Variants in TMEM117 observed in about 807,000 individuals in gnomAD.
TMEM117 encodes the protein transmembrane protein 117.
Under a neutral mutation model 52.4 loss-of-function variants are expected in TMEM117, and 27 were observed. The observed-to-expected ratio is 0.51, with a 90% confidence interval of 0.38 to 0.71. The LOEUF (loss-of-function observed/expected upper bound fraction) is 0.71, where lower values mean the gene tolerates loss of function less well. Among genes scored for constraint, TMEM117 ranks in the 30% least tolerant of loss-of-function variants. TMEM117 has a pLI of 0.00. For missense variants in TMEM117, 556 were observed against 630.5 expected, an observed-to-expected ratio of 0.88 and a Z score of 1.26; for synonymous variants, 215 against 206.3, an observed-to-expected ratio of 1.04 and a Z score of -0.36.
intron 4 of TMEM117, among the ~76,000 whole-genome samples, chr12:44,179,934 G>C (rs1949168164): frequency 6.6e-6 from 1 of 152,158 alleles, no homozygotes; most frequent in Admixed American, 6.5e-5. Flanking sequence ...TGATTCAGTG[G>C]TGAGGCTCTT....
intron 5 of TMEM117, among the ~76,000 whole-genome samples, chr12:44,249,354 C>CTA (rs980973196): frequency 3.3e-5 from 5 of 151,936 alleles, no homozygotes; most frequent in African/African-American, 1.2e-4. Flanking sequence ...CAAATATGGT[C>CTA]AAGATTTTGA....
intron 3 of TMEM117, among the ~76,000 whole-genome samples, chr12:44,017,264 A>G (rs1399708426): frequency 3.0e-5 from 3 of 101,406 alleles, no homozygotes; most frequent in African/African-American, 1.6e-4. Context: ...TTAGGTGATA[A>G]ATAATTGAAA....
intron 3 of TMEM117, among the ~76,000 whole-genome samples, chr12:43,945,542 C>T (rs1486091456): frequency 6.6e-6 from 1 of 152,098 alleles, no homozygotes; most frequent in Non-Finnish European, 1.5e-5. Flanking sequence ...CGTCTGGTCT[C>T]GAATTCCTGA....
chr12:44,218,221 C>CAAAA (rs137994991), intron 5 of TMEM117, among the ~76,000 whole-genome samples: 1 of 139,340 alleles, frequency 7.2e-6, no homozygotes, highest in African/African-American at 2.7e-5. Flanking sequence ...AAGGCTCCGT[C>CAAAA]AAAAAAAACA....
At chr12:44,027,032 GTAGT>G (rs1365655375) in intron 3 of TMEM117, among the ~76,000 whole-genome samples, 2 of 151,166 alleles carry the variant, frequency 1.3e-5, no homozygotes, top group Non-Finnish European at 2.9e-5. Context: ...GTTGCATTTA[GTAGT>G]TAGCTCATTT....
At chr12:43,983,268 A>C (rs1945790082) in intron 3 of TMEM117, among the ~76,000 whole-genome samples, 1 of 152,230 alleles carries the variant, frequency 6.6e-6, no homozygotes, top group Admixed American at 6.5e-5. Flanking sequence ...AGTTCCCAGC[A>C]CCAAGAGGGC....
At chr12:44,384,118 T>A (rs192394885) in intron 7 of TMEM117, among the ~76,000 whole-genome samples, 2 of 152,168 alleles carry the variant, frequency 1.3e-5, no homozygotes, top group Admixed American at 1.3e-4. Flanking sequence ...AAGGAATTTT[T>A]TAAGGAGGAG....
chr12:43,993,512 A>T (rs1187576443), intron 3 of TMEM117, among the ~76,000 whole-genome samples: 1 of 151,740 alleles, frequency 6.6e-6, no homozygotes, highest in Non-Finnish European at 1.5e-5. Flanking sequence ...GGTGCACTAG[A>T]CTCTTGTGTT....
At chr12:44,014,445 C>T (rs576299667) in intron 3 of TMEM117, among the ~76,000 whole-genome samples, 92 of 152,200 alleles carry the variant, frequency 6.0e-4, no homozygotes, top group African/African-American at 2.1e-3. Context: ...GATATGAGCC[C>T]GAGGTAGAAA....
chr12:44,200,979 GGAA>G (rs1167495862), intron 4 of TMEM117, among the ~76,000 whole-genome samples: 1 of 152,060 alleles, frequency 6.6e-6, no homozygotes, highest in African/African-American at 2.4e-5. Context: ...GAAGAAAAAA[GGAA>G]GAAAATAATA....
At chr12:44,318,663 T>C (rs1951089983) in intron 6 of TMEM117, among the ~76,000 whole-genome samples, 1 of 151,654 alleles carries the variant, frequency 6.6e-6, no homozygotes, top group South Asian at 2.1e-4. Flanking sequence ...TCTGCCAGGG[T>C]ATGGAGCAGA....
intron 2 of TMEM117, among the ~76,000 whole-genome samples, chr12:43,876,168 G>T (rs994069390): frequency 1.3e-5 from 2 of 151,994 alleles, no homozygotes; most frequent in African/African-American, 2.4e-5. Flanking sequence ...TTCCTTTCCG[G>T]TTATTGTTCA....
Position 44,311,887 on chromosome 12 carries a change from A to ATATATG in TMEM117, c.768+12153_768+12154insGTATAT, listed in dbSNP as rs1565702020. The stretch of plus-strand genomic sequence containing the variant: ...TATATGTATATATATGTATATATGT[A>ATATATG]TATATATGTGTATATATATATGTGT... On this transcript the variant is annotated intron_variant, in intron 6 of 7. Coordinates refer to ENST00000266534, the MANE Select transcript of TMEM117 (RefSeq NM_032256.3). 2.5e-4 allele frequency among the ~76,000 whole-genome samples: 33 copies of ATATATG among 134,650 alleles called. 1 individual carries two copies. The highest frequency in any genetic ancestry group is 9.7e-4 in the African/African-American group (31 of 32,084). 88.3% of individuals were successfully genotyped at this position (134,650 alleles called of 152,430 possible).
At chr12:44,236,116 T>C (rs1166504107) in intron 5 of TMEM117, among the ~76,000 whole-genome samples, 2 of 151,860 alleles carry the variant, frequency 1.3e-5, no homozygotes, top group East Asian at 3.9e-4. Flanking sequence ...CTTGGGATTA[T>C]TGAAATAGTA....
intron 5 of TMEM117, among the ~76,000 whole-genome samples, chr12:44,237,250 T>A (rs1009762540): frequency 1.3e-5 from 2 of 152,130 alleles, no homozygotes; most frequent in Admixed American, 6.6e-5. Flanking sequence ...TTTCTTATTC[T>A]TTGAGATGTG....
At chr12:44,276,110 A>C (rs1166940997) in intron 5 of TMEM117, among the ~76,000 whole-genome samples, 1 of 152,158 alleles carries the variant, frequency 6.6e-6, no homozygotes, top group Non-Finnish European at 1.5e-5. Context: ...TAGAACTGTC[A>C]TGTGATCAAG....
intron 2 of TMEM117, among the ~76,000 whole-genome samples, chr12:43,864,123 C>T (rs960610160): frequency 1.3e-5 from 2 of 152,182 alleles, no homozygotes; most frequent in African/African-American, 2.4e-5. Context: ...CTTTAGCTGC[C>T]TCCCTGGGGG....
At chr12:44,066,915 A>G (rs1206001209) in intron 3 of TMEM117, among the ~76,000 whole-genome samples, 1 of 152,216 alleles carries the variant, frequency 6.6e-6, no homozygotes, top group Non-Finnish European at 1.5e-5. Flanking sequence ...TACCCACAGT[A>G]GAACTTCTTT....
At chr12:44,342,682 G>T (rs919230813) in intron 6 of TMEM117, among the ~76,000 whole-genome samples, 8 of 151,386 alleles carry the variant, frequency 5.3e-5, no homozygotes, top group Admixed American at 2.6e-4. Flanking sequence ...CTAACAGTGG[G>T]CAAGTTTGCA....
Sources: gnomAD v4.1 joint callset for allele counts (sites outside exome capture counted in the v4.1 genomes callset) on GRCh38, gnomAD v4.1.1 for gene constraint, MANE v1.5 for transcripts, NCBI Gene and HGNC (gene_info 2026-07-23, HGNC 2026-07-21) for gene names.